Variants in WDPCP observed in about 807,000 individuals in gnomAD.
WDPCP encodes WD repeat containing planar cell polarity effector.
WDPCP carries 71 observed loss-of-function variants against 93.1 expected under a neutral mutation model. The observed-to-expected ratio is 0.76, with a 90% CI of 0.63 to 0.93. The LOEUF is 0.93. WDPCP is among the 40% of genes least tolerant of loss of function. The probability of loss-of-function intolerance (pLI) is 0.00; values close to 1 mark genes in which losing one functional copy is unlikely to be tolerated. For synonymous variants in WDPCP, 315 were observed against 315.0 expected, an observed-to-expected ratio of 1.00 and a Z score of 0.00; for missense variants, 844 against 887.4, an observed-to-expected ratio of 0.95 and a Z score of 0.62.
chr2:63,331,726 GT>G (rs1297030878), intron 12 of WDPCP, among the ~76,000 whole-genome samples: 1 of 152,018 alleles, frequency 6.6e-6, no homozygotes, highest in African/African-American at 2.4e-5. Flanking sequence ...CCTTGTTTCT[GT>G]CACTATACTT....
At chr2:63,138,571 G>C (rs555047713) in intron 17 of WDPCP, among the ~76,000 whole-genome samples, 2 of 151,462 alleles carry the variant, frequency 1.3e-5, no homozygotes, top group African/African-American at 2.4e-5. Context: ...TCCTGCCTCA[G>C]CCTCCCCCAT....
At chr2:63,761,647 G>C (rs1031340737) in intron 2 of WDPCP, among the ~76,000 whole-genome samples, 1 of 152,122 alleles carries the variant, frequency 6.6e-6, no homozygotes. Flanking sequence ...CAGGCTGGGA[G>C]GTTAGGGCAG....
At chr2:63,368,665 T>C (rs1691134255) in intron 12 of WDPCP, among the ~76,000 whole-genome samples, 1 of 151,478 alleles carries the variant, frequency 6.6e-6, no homozygotes, top group African/African-American at 2.4e-5. Context: ...ACTCAAGCAA[T>C]CCTCTTGCCT....
At chr2:63,756,544 G>T (rs1393901684) in intron 2 of WDPCP, among the ~76,000 whole-genome samples, 1 of 152,130 alleles carries the variant, frequency 6.6e-6, no homozygotes, top group African/African-American at 2.4e-5. Flanking sequence ...GCAGCTGTGT[G>T]GGAGTAGAAT....
intron 17 of WDPCP, among the ~76,000 whole-genome samples, chr2:63,150,563 G>A (rs1350805360): frequency 6.6e-6 from 1 of 152,186 alleles, no homozygotes; most frequent in Non-Finnish European, 1.5e-5. Context: ...CAACCTGGGA[G>A]ACTATGGGAA....
chr2:63,533,554 A>T (rs1205932044), intron 1 of WDPCP, among the ~76,000 whole-genome samples: 1 of 152,168 alleles, frequency 6.6e-6, no homozygotes, highest in African/African-American at 2.4e-5. Context: ...GGATTAAGAG[A>T]CTCGCTCAAA....
chr2:63,450,660 T>C (rs1240867524), intron 6 of WDPCP, among the ~76,000 whole-genome samples: 13 of 152,110 alleles, frequency 8.5e-5, no homozygotes, highest in Admixed American at 8.5e-4. Flanking sequence ...GGCACCCCTG[T>C]CCTCAGCAAA....
At chr2:63,412,294 A>G (rs1472079169) in intron 9 of WDPCP, among the ~76,000 whole-genome samples, 5 of 152,218 alleles carry the variant, frequency 3.3e-5, no homozygotes. Flanking sequence ...GATCATCTCA[A>G]TAGATACAGA....
At chr2:63,655,103 G>A (rs916929356) in intron 2 of WDPCP, among the ~76,000 whole-genome samples, 2 of 152,078 alleles carry the variant, frequency 1.3e-5, no homozygotes, top group African/African-American at 4.8e-5. Flanking sequence ...ATGCTTCATT[G>A]GCCAAAACCA....
intron 17 of WDPCP, among the ~76,000 whole-genome samples, chr2:63,140,670 G>A (rs1201846598): frequency 6.6e-6 from 1 of 151,990 alleles, no homozygotes; most frequent in African/African-American, 2.4e-5. Context: ...CTTGTATCCA[G>A]AAACTTTGCT....
At chr2:63,258,743 TTACAG>T (rs1681351673) in intron 14 of WDPCP, among the ~76,000 whole-genome samples, 1 of 152,172 alleles carries the variant, frequency 6.6e-6, no homozygotes, top group African/African-American at 2.4e-5. Context: ...AGCATTGATA[TTACAG>T]TAATTTTTAT....
chr2:63,390,028 G>C (rs1465934061), intron 10 of WDPCP, among the ~76,000 whole-genome samples: 1 of 152,170 alleles, frequency 6.6e-6, no homozygotes, highest in Non-Finnish European at 1.5e-5. Context: ...CTTGAACTCA[G>C]CTCTGCACCA....
chr2:63,310,585 T>C (rs1686109021), intron 13 of WDPCP, among the ~76,000 whole-genome samples: 2 of 152,194 alleles, frequency 1.3e-5, no homozygotes. Context: ...TGAACTTTTA[T>C]TGGAACACAG....
chr2:63,389,539 C>T (rs570103008), intron 10 of WDPCP, among the ~76,000 whole-genome samples: 1 of 152,228 alleles, frequency 6.6e-6, no homozygotes, highest in East Asian at 1.9e-4. Context: ...CACATTCACA[C>T]ATAACAATAT....
chr2:63,808,767 G>A (rs960465507), intron 2 of WDPCP, among the ~76,000 whole-genome samples: 8 of 152,282 alleles, frequency 5.3e-5, no homozygotes, highest in African/African-American at 1.7e-4. Context: ...CCGCCACCCC[G>A]TTTGGGAAGT....
intron 12 of WDPCP, among the ~76,000 whole-genome samples, chr2:63,355,810 C>CCCA (rs1188306572): frequency 6.6e-6 from 1 of 152,158 alleles, no homozygotes; most frequent in East Asian, 1.9e-4. Context: ...ATTGCTTGAA[C>CCCA]CCAGGACATG....
chr2:63,266,370 A>C (rs911745973), intron 13 of WDPCP, among the ~76,000 whole-genome samples: 29 of 151,724 alleles, frequency 1.9e-4, no homozygotes, highest in African/African-American at 6.5e-4. Flanking sequence ...AAACTTATCC[A>C]AAAAAAAATT....
At chr2:63,815,159 G>A (rs1031110584) in intron 1 of WDPCP, among the ~76,000 whole-genome samples, 3 of 152,090 alleles carry the variant, frequency 2.0e-5, no homozygotes, top group Non-Finnish European at 4.4e-5. Flanking sequence ...AAAGTATAAT[G>A]AGAACTCTAC....
chr2:63,272,216 G>A (rs1039770059), intron 13 of WDPCP, among the ~76,000 whole-genome samples: 9 of 152,122 alleles, frequency 5.9e-5, no homozygotes, highest in Non-Finnish European at 1.2e-4. Context: ...CCAAGCAACT[G>A]AGGAATTAAC....
Sources: allele counts gnomAD v4.1 joint callset (sites outside exome capture counted in the v4.1 genomes callset), GRCh38; gene constraint gnomAD v4.1.1; transcripts MANE v1.5; gene names NCBI Gene and HGNC (gene_info 2026-07-23, HGNC 2026-07-21).